GTF2F2: variants seen among roughly 807,000 people sequenced by gnomAD.
GTF2F2 encodes ATP-dependent helicase GTF2F2.
GTF2F2 carries 23 observed loss-of-function variants against 42.2 expected under a neutral mutation model. That is an observed-to-expected ratio of 0.55 (90% CI 0.39 to 0.77). The LOEUF is 0.77. Among genes scored for constraint, GTF2F2 ranks in the 30% least tolerant of loss-of-function variants. The pLI is 0.00. For missense variants in GTF2F2, 261 were observed against 287.2 expected (o/e 0.91, Z 0.66); for synonymous variants, 105 against 100.8 (o/e 1.04, Z -0.25).
chr13:45,248,337 A>G (rs1014897723), intron 5 of GTF2F2, among the ~76,000 whole-genome samples: 1 of 152,216 alleles, frequency 6.6e-6, no homozygotes, highest in Non-Finnish European at 1.5e-5. Flanking sequence ...GGGGAACACC[A>G]GAAGGCATGG....
At chr13:45,179,726 C>A (rs141798001) in intron 4 of GTF2F2, among the ~76,000 whole-genome samples, 1 of 151,982 alleles carries the variant, frequency 6.6e-6, no homozygotes, top group Non-Finnish European at 1.5e-5. Context: ...TTCTTATTAT[C>A]TTGTGGTCTT....
chr13:45,230,068 T>C (rs536275756), intron 5 of GTF2F2, among the ~76,000 whole-genome samples: 1 of 151,872 alleles, frequency 6.6e-6, no homozygotes, highest in East Asian at 1.9e-4. Flanking sequence ...ATAGAAAAAT[T>C]AGCCGGACGT....
chr13:45,161,917 A>G (rs1360120093), intron 4 of GTF2F2, among the ~76,000 whole-genome samples: 1 of 152,202 alleles, frequency 6.6e-6, no homozygotes, highest in Non-Finnish European at 1.5e-5. Context: ...TCTTTTAGGT[A>G]TAGTTTACAC....
At chr13:45,272,579 C>CA (rs1218894677) in intron 7 of GTF2F2, among the ~76,000 whole-genome samples, 5 of 150,946 alleles carry the variant, frequency 3.3e-5, no homozygotes, top group African/African-American at 1.2e-4. Context: ...CCCAACTCTA[C>CA]AAAAAAATAC....
intron 4 of GTF2F2, among the ~76,000 whole-genome samples, chr13:45,155,089 T>C (rs937824286): frequency 6.6e-6 from 1 of 152,168 alleles, no homozygotes; most frequent in Non-Finnish European, 1.5e-5. Context: ...GTTAGATGTA[T>C]GTTGTATATG....
At chr13:45,179,995 C>A (rs966023903) in intron 4 of GTF2F2, among the ~76,000 whole-genome samples, 6 of 151,868 alleles carry the variant, frequency 4.0e-5, no homozygotes, top group Non-Finnish European at 7.4e-5. Flanking sequence ...GAATTGGAGT[C>A]ATTATATTAT....
At chr13:45,268,225 C>T (rs115982085) in intron 7 of GTF2F2, among the ~76,000 whole-genome samples, 176 of 152,100 alleles carry the variant, frequency 1.2e-3, no homozygotes, top group African/African-American at 4.1e-3. Context: ...TCTACTCTGC[C>T]GGTATACTCA....
chr13:45,156,516 T>C (rs1030896286), intron 4 of GTF2F2, among the ~76,000 whole-genome samples: 2 of 152,212 alleles, frequency 1.3e-5, no homozygotes, highest in Non-Finnish European at 2.9e-5. Context: ...TGTCACAGAC[T>C]AGGTTAGAGA....
chr13:45,258,355 T>A, intron 6 of GTF2F2, among the ~76,000 whole-genome samples: 1 of 150,652 alleles, frequency 6.6e-6, no homozygotes, highest in East Asian at 1.9e-4. Flanking sequence ...GAGGTGCTCC[T>A]GCAATACAAA....
chr13:45,245,102 GT>G (rs2138238415), intron 5 of GTF2F2, among the ~76,000 whole-genome samples: 1 of 152,212 alleles, frequency 6.6e-6, no homozygotes, highest in African/African-American at 2.4e-5. Context: ...AAAATAGAAG[GT>G]GGTAATTTTT....
chr13:45,212,313 C>T (rs1489487058), intron 5 of GTF2F2, among the ~76,000 whole-genome samples: 1 of 152,136 alleles, frequency 6.6e-6, no homozygotes, highest in African/African-American at 2.4e-5. Flanking sequence ...TTCTCTTTTA[C>T]ATAGGCATTA....
chr13:45,183,866 T>C lies in GTF2F2; in HGVS notation c.305-23558T>C, dbSNP rs1487331926. On this transcript the variant is annotated intron_variant, in intron 4 of 7. Transcript: ENST00000340473. ...TTACCACTTCTTTTTTCTTTTTTTTTCTTTTTTGAGACAGAGTCTTTCTTG... is the reference window on the plus strand; with the variant it reads ...TTACCACTTCTTTTTTCTTTTTTTTCCTTTTTTGAGACAGAGTCTTTCTTG... 5.9e-5 allele frequency among the ~76,000 whole-genome samples: 9 copies of C among 152,168 alleles called. 1 individual carries two copies. The highest frequency in any genetic ancestry group is 2.2e-4 in the African/African-American group (9 of 41,458).
At position 45,283,603 on chromosome 13, in the gene GTF2F2, A is replaced by T. The variant is rs200010957; in HGVS notation, c.*42A>T. The T allele has an allele frequency of 1.3e-6, 2 of 1,539,264 alleles. No individual in the cohort carries two copies. The highest frequency in any genetic ancestry group is 2.3e-5 in the East Asian group (1 of 42,944). ...CATGCTAGTGAAACGACTAGCAGCGATGCTATGCAAAAGGCGCTGATACTG... is the reference window on the plus strand; with the variant it reads ...CATGCTAGTGAAACGACTAGCAGCGTTGCTATGCAAAAGGCGCTGATACTG... On this transcript the variant is annotated 3_prime_UTR_variant, in exon 8 of 8. Transcript: ENST00000340473.
intron 1 of GTF2F2, chr13:45,123,921 T>C (rs1868826995): frequency 2.3e-6 from 1 of 440,026 alleles, no homozygotes; most frequent in Non-Finnish European, 4.2e-6. Context: ...AGTCTTAGTG[T>C]GGTTGGGGAC....
At chr13:45,261,425 C>CAAAAA (rs976923932) in intron 6 of GTF2F2, among the ~76,000 whole-genome samples, 39 of 58,868 alleles carry the variant, frequency 6.6e-4, no homozygotes, top group East Asian at 2.1e-3. Flanking sequence ...GACTCCATCT[C>CAAAAA]AAAAAAAAAA....
At chr13:45,239,796 A>G (rs1191567151) in intron 5 of GTF2F2, among the ~76,000 whole-genome samples, 1 of 152,226 alleles carries the variant, frequency 6.6e-6, no homozygotes, top group East Asian at 1.9e-4. Context: ...GATAGTATAT[A>G]TTTAATAAGC....
At chr13:45,205,339 C>T (rs1294922672) in intron 4 of GTF2F2, among the ~76,000 whole-genome samples, 1 of 152,108 alleles carries the variant, frequency 6.6e-6, no homozygotes, top group Non-Finnish European at 1.5e-5. Context: ...ACGAGAACAG[C>T]ATAGGGGGAA....
At chr13:45,177,369 A>T (rs188661768) in intron 4 of GTF2F2, among the ~76,000 whole-genome samples, 12 of 152,298 alleles carry the variant, frequency 7.9e-5, no homozygotes, top group Non-Finnish European at 1.5e-4. Context: ...CCCGTGGTCC[A>T]CTGAGGTCCA....
chr13:45,264,627 G>A (rs978767674), intron 6 of GTF2F2, among the ~76,000 whole-genome samples: 3 of 152,158 alleles, frequency 2.0e-5, no homozygotes, highest in African/African-American at 7.2e-5. Context: ...ACTCATTAAT[G>A]TTACTAATTA....
Sources: allele counts gnomAD v4.1 joint callset (sites outside exome capture counted in the v4.1 genomes callset), GRCh38; gene constraint gnomAD v4.1.1; transcripts MANE v1.5; gene names NCBI Gene and HGNC (gene_info 2026-07-23, HGNC 2026-07-21).